CLTC: variants seen among roughly 807,000 people sequenced by gnomAD.
CLTC encodes the protein clathrin heavy chain, also known as clathrin heavy chain 1.
Under a neutral mutation model 195.8 loss-of-function variants are expected in CLTC, and 16 were observed. The ratio of observed to expected loss-of-function variants is 0.08; its 90% confidence interval spans 0.06 to 0.12. The LOEUF (loss-of-function observed/expected upper bound fraction) is 0.12. Among genes scored for constraint, CLTC ranks in the 10% least tolerant of loss-of-function variants. CLTC has a pLI of 1.00. For missense variants in CLTC, 796 were observed against 2,027.0 expected (o/e 0.39, Z 11.66); for synonymous variants, 667 against 689.4 (o/e 0.97, Z 0.51).
At chr17:59,632,276 C>G (rs1321822859) in intron 1 of CLTC, among the ~76,000 whole-genome samples, 1 of 147,724 alleles carries the variant, frequency 6.8e-6, no homozygotes, top group African/African-American at 2.5e-5. Context: ...GCTGAGGCAG[C>G]AGAATGGCGT....
In CLTC at chr17:59,694,797, C is replaced by T. The variant is rs2033384927; in HGVS notation, c.*945C>T. The T allele has an allele frequency of 4.4e-6, 1 of 225,964 alleles. No individual in the cohort carries two copies. Among genetic ancestry groups the T allele is most frequent in the African/African-American group, 2.2e-5 (1 of 44,874 alleles). The allele number at this position is 225,964 out of a possible 1,614,324, so 14.0% of individuals were successfully genotyped here. On this transcript the variant is annotated 3_prime_UTR_variant, in exon 32 of 32. Transcript: ENST00000269122. ...TAGAATTGAAGTTTTAATTAAATAC[C>T]ACTCAAACGAAAAGAACAGTAGTTT...
rs568557976 is a variant in CLTC at position 59,633,171 on chromosome 17, A to G, written c.43-11105A>G. 4.6e-5 allele frequency among the ~76,000 whole-genome samples: 7 copies of G among 152,346 alleles called. No homozygotes were observed. In the East Asian group the frequency reaches 1.3e-3, roughly 29 times the overall value. ...TTAATTCATTCACTCATTTGAAAAC[A>G]GTATTTGTGGCATTTAAGCTCACAG... On this transcript the variant is annotated intron_variant, in intron 1 of 31. Coordinates refer to ENST00000269122, the MANE Select transcript of CLTC (RefSeq NM_004859.4).
Position 59,666,728 on chromosome 17 carries a change from T to C in CLTC, c.1948-69T>C, listed in dbSNP as rs185264041. 4 of 1,549,910 alleles carry C rather than the reference T, an allele frequency of 2.6e-6. No homozygotes were observed. The Admixed American group carries it at 7.2e-5, about 28-fold the overall frequency. On this transcript the variant is annotated intron_variant, in intron 12 of 31. Transcript: ENST00000269122. The surrounding 1 kb of genome is among the most constrained non-coding windows in gnomAD (Gnocchi z 4.9). ...ATGTGTTTGTGGTACTAAATATTAA[T>C]AATTTCATACCACCATGAGGTTCAA...
intron 6 of CLTC, among the ~76,000 whole-genome samples, chr17:59,659,073 CAAATT>C (rs1207014708): frequency 3.9e-5 from 6 of 152,110 alleles, no homozygotes; most frequent in Non-Finnish European, 7.4e-5. Context: ...ATTTATTCAA[CAAATT>C]AAATACGTTT....
At chr17:59,687,158 C>A in intron 30 of CLTC, 1 of 242,156 alleles carries the variant, frequency 4.1e-6, no homozygotes, top group Non-Finnish European at 6.7e-6. Flanking sequence ...CTCTGCAAGT[C>A]CCTTGAAACA....
intron 31 of CLTC, among the ~76,000 whole-genome samples, chr17:59,693,392 T>A (rs975132350): frequency 9.3e-5 from 14 of 149,866 alleles, no homozygotes; most frequent in African/African-American, 3.2e-4. Flanking sequence ...AAAAGTCTTT[T>A]AAAAAATTCT....
intron 6 of CLTC, among the ~76,000 whole-genome samples, chr17:59,659,649 C>A (rs113355481): frequency 4.7e-4 from 71 of 151,722 alleles, no homozygotes; most frequent in African/African-American, 1.6e-3. Flanking sequence ...GGGGTTTCAC[C>A]ATGTTGGTCA....
rs767655204 is a variant in CLTC, at chr17:59,693,960, A to G, written c.*108A>G. 10 of 1,200,794 alleles carry G rather than the reference A, an allele frequency of 8.3e-6. No homozygotes were observed. The highest frequency in any genetic ancestry group is 1.1e-5 in the Non-Finnish European group (10 of 904,900). The allele number at this position is 1,200,794 out of a possible 1,614,324, so 74.4% of individuals were successfully genotyped here. On this transcript the variant is annotated 3_prime_UTR_variant, in exon 32 of 32. Coordinates refer to ENST00000269122, the MANE Select transcript of CLTC (RefSeq NM_004859.4). Reference sequence around the variant, plus strand: ...CAGGCAACGTGTTCTTGTAACCTTTATTTCATGAAGGACTTCTTTTTGTTT... The same window carrying G: ...CAGGCAACGTGTTCTTGTAACCTTTGTTTCATGAAGGACTTCTTTTTGTTT...
chr17:59,648,429 A>G lies in CLTC; in HGVS notation c.681+28A>G. On this transcript the variant is annotated intron_variant, in intron 4 of 31. Transcript: ENST00000269122. This position sits in a 1 kb window ranked among gnomAD's most constrained non-coding sequence, Gnocchi z 4.5. ...AAGTTTTGGCTTTGGTAATTATTTT[A>G]ATGAGAACTTGTATTTGGCTTTCTG... 6.3e-7 allele frequency: 1 copy of G among 1,596,702 alleles called. No homozygotes were observed. Among genetic ancestry groups the G allele is most frequent in the Non-Finnish European group, 8.6e-7 (1 of 1,168,618 alleles).
intron 30 of CLTC, among the ~76,000 whole-genome samples, chr17:59,686,523 G>A (rs1159530328): frequency 6.6e-6 from 1 of 152,140 alleles, no homozygotes; most frequent in Non-Finnish European, 1.5e-5. Flanking sequence ...GAGTTGGGGG[G>A]ATGGGAGGGT....
In CLTC at chr17:59,679,381, A is replaced by G. The variant is rs373947167; in HGVS notation, c.2797-16A>G. 1.1e-5 allele frequency: 18 copies of G among 1,589,852 alleles called. No homozygotes were observed. Among genetic ancestry groups the G allele is most frequent in the East Asian group, 4.5e-5 (2 of 44,178 alleles). ...TTACTTTTTACCTTGAAATTAATCT[A>G]TCATATCTTCTTTAGGTTTGCAATG... On this transcript the variant is annotated splice_polypyrimidine_tract_variant and intron_variant, in intron 17 of 31. Transcript: ENST00000269122.
intron 5 of CLTC, among the ~76,000 whole-genome samples, chr17:59,654,912 C>T (rs2032427765): frequency 6.6e-6 from 1 of 152,178 alleles, no homozygotes; most frequent in Non-Finnish European, 1.5e-5. Flanking sequence ...TTGACTTTGT[C>T]TGTGGTAGGT....
chr17:59,648,575 A>G lies in CLTC; in HGVS notation c.681+174A>G, dbSNP rs1198086233. 3.4e-6 allele frequency: 2 copies of G among 590,006 alleles called. No homozygotes were observed. Among genetic ancestry groups the G allele is most frequent in the Non-Finnish European group, 5.9e-6 (2 of 338,338 alleles). The allele number at this position is 590,006 out of a possible 1,614,324, so 36.5% of individuals were successfully genotyped here. ...ATCTAGTGATACTTGTCTAAAATGA[A>G]TAATGTTCTTTCACAACTCGTTCTG... is the stretch of plus-strand genomic sequence containing the variant. On this transcript the variant is annotated intron_variant, in intron 4 of 31. Transcript: ENST00000269122. This position sits in a 1 kb window ranked among gnomAD's most constrained non-coding sequence, Gnocchi z 4.5.
intron 1 of CLTC, among the ~76,000 whole-genome samples, chr17:59,621,364 CATA>C (rs1340347783): frequency 6.6e-6 from 1 of 152,214 alleles, no homozygotes; most frequent in Non-Finnish European, 1.5e-5. Flanking sequence ...GGGCTAATTC[CATA>C]ATGACAGGGA....
intron 5 of CLTC, among the ~76,000 whole-genome samples, chr17:59,653,119 CT>C (rs2032368912): frequency 6.6e-6 from 1 of 152,082 alleles, no homozygotes; most frequent in Non-Finnish European, 1.5e-5. Flanking sequence ...CTAGATTAGG[CT>C]TTGGCTTAAG....
chr17:59,662,375 T>C (rs962926519), intron 8 of CLTC, among the ~76,000 whole-genome samples: 1 of 152,210 alleles, frequency 6.6e-6, no homozygotes, highest in Non-Finnish European at 1.5e-5. Flanking sequence ...GAGCACATTA[T>C]TCCTTATGTG....
At chr17:59,645,538 G>T (rs1451854403) in intron 2 of CLTC, among the ~76,000 whole-genome samples, 1 of 152,144 alleles carries the variant, frequency 6.6e-6, no homozygotes, top group African/African-American at 2.4e-5. Flanking sequence ...GCATTCGATT[G>T]CCTGCTTTGT....
At chr17:59,690,955 C>G (rs1326762399) in intron 31 of CLTC, 3 of 396,178 alleles carry the variant, frequency 7.6e-6, no homozygotes, top group Non-Finnish European at 1.3e-5. Flanking sequence ...TGAATCTTTC[C>G]TATCATCTGG....
chr17:59,679,617 A>G, intron 18 of CLTC, 98 bp downstream of exon 18: 1 of 1,109,502 alleles, frequency 9.0e-7, no homozygotes, highest in South Asian at 2.5e-5. Flanking sequence ...AATGGATCAT[A>G]TATAACTATG....
Sources: gnomAD v4.1 joint callset for allele counts (sites outside exome capture counted in the v4.1 genomes callset) on GRCh38, gnomAD v4.1.1 for gene constraint, Gnocchi (gnomAD v3.1) non-coding constraint, MANE v1.5 for transcripts, NCBI Gene and HGNC (gene_info 2026-07-23, HGNC 2026-07-21) for gene names.